Variants in FBXL7 observed in about 807,000 individuals in gnomAD.
FBXL7 encodes the protein F-box/LRR-repeat protein 7.
Under a neutral mutation model 38.3 loss-of-function variants are expected in FBXL7, and 12 were observed. That is an observed-to-expected ratio of 0.31 (90% CI 0.20 to 0.51). FBXL7 has a LOEUF of 0.51. FBXL7 is among the 20% of genes least tolerant of loss of function. The pLI is 0.98. For missense variants in FBXL7, 567 were observed against 676.4 expected (o/e 0.84, Z 1.79); for synonymous variants, 297 against 300.9 (o/e 0.99, Z 0.13).
chr5:15,601,143 T>G (rs1050239120), intron 1 of FBXL7, among the ~76,000 whole-genome samples: 3 of 152,314 alleles, frequency 2.0e-5, no homozygotes, highest in Admixed American at 2.0e-4. Flanking sequence ...AGGCTCTTGA[T>G]GCCAAGAAAT....
intron 3 of FBXL7, among the ~76,000 whole-genome samples, chr5:15,931,268 G>C (rs1332423775): frequency 6.6e-6 from 1 of 152,186 alleles, no homozygotes. Context: ...ATGAAATCTG[G>C]AATCAACTGA....
intron 2 of FBXL7, among the ~76,000 whole-genome samples, chr5:15,913,683 A>T (rs915560377): frequency 2.1e-4 from 32 of 152,338 alleles, no homozygotes; most frequent in African/African-American, 7.5e-4. Context: ...TGACAATTGA[A>T]TATAGAAAAT....
At chr5:15,866,739 C>G (rs961594890) in intron 2 of FBXL7, among the ~76,000 whole-genome samples, 4 of 150,352 alleles carry the variant, frequency 2.7e-5, no homozygotes, top group African/African-American at 9.8e-5. Flanking sequence ...TCAACTCCCA[C>G]TTATAAGTGA....
At chr5:15,556,094 TCTAC>T (rs1351792688) in intron 1 of FBXL7, among the ~76,000 whole-genome samples, 2 of 151,232 alleles carry the variant, frequency 1.3e-5, no homozygotes, top group East Asian at 2.0e-4. Flanking sequence ...CATCTATCTA[TCTAC>T]CTATCTATCT....
intron 1 of FBXL7, among the ~76,000 whole-genome samples, chr5:15,577,438 C>T (rs1739002684): frequency 6.6e-6 from 1 of 152,150 alleles, no homozygotes; most frequent in Non-Finnish European, 1.5e-5. Context: ...CAGAGAGTGA[C>T]CGCTTTCTAT....
chr5:15,776,595 G>A (rs1460986208), intron 2 of FBXL7, among the ~76,000 whole-genome samples: 1 of 152,084 alleles, frequency 6.6e-6, no homozygotes, highest in Non-Finnish European at 1.5e-5. Flanking sequence ...CATTCTAAAA[G>A]GATAATTGTG....
At position 15,637,238 on chromosome 5, in the gene FBXL7, C is replaced by T. The variant is rs140078384; in HGVS notation, c.127+21166C>T. On this transcript the variant is annotated intron_variant, in intron 2 of 3. Transcript: ENST00000504595. ...CTTTCCAATGGGCAGAAATTGGAGC[C>T]AGTGTGAAAGTTTCTCCTTTGAGCT... Among the ~76,000 whole-genome samples, 72 of 152,134 alleles carry T rather than the reference C, an allele frequency of 4.7e-4. 1 individual carries two copies. The highest frequency in any genetic ancestry group is 1.6e-3 in the African/African-American group (67 of 41,504).
intron 1 of FBXL7, among the ~76,000 whole-genome samples, chr5:15,509,154 A>C (rs909430093): frequency 2.6e-5 from 4 of 152,228 alleles, no homozygotes; most frequent in African/African-American, 9.6e-5. Context: ...CATCTTCCTC[A>C]GGGAGCGCTG....
At chr5:15,787,164 A>C (rs1487800744) in intron 2 of FBXL7, among the ~76,000 whole-genome samples, 1 of 152,172 alleles carries the variant, frequency 6.6e-6, no homozygotes, top group Non-Finnish European at 1.5e-5. Flanking sequence ...AAACTGTGAG[A>C]GAGTACATTT....
intron 2 of FBXL7, among the ~76,000 whole-genome samples, chr5:15,862,713 G>A (rs2126809890): frequency 6.6e-6 from 1 of 152,330 alleles, no homozygotes; most frequent in African/African-American, 2.4e-5. Flanking sequence ...TGCAGAACAG[G>A]AACATGCCAC....
intron 2 of FBXL7, among the ~76,000 whole-genome samples, chr5:15,698,122 A>AG (rs1743396578): frequency 6.6e-6 from 1 of 152,214 alleles, no homozygotes; most frequent in African/African-American, 2.4e-5. Context: ...AGCCAGGGGA[A>AG]GAGGGATAGA....
chr5:15,725,311 C>G (rs1357350183), intron 2 of FBXL7, among the ~76,000 whole-genome samples: 1 of 152,106 alleles, frequency 6.6e-6, no homozygotes, highest in African/African-American at 2.4e-5. Flanking sequence ...CACCATATCC[C>G]ATACATTTTG....
At chr5:15,828,509 G>A (rs1738373564) in intron 2 of FBXL7, among the ~76,000 whole-genome samples, 1 of 152,194 alleles carries the variant, frequency 6.6e-6, no homozygotes, top group Non-Finnish European at 1.5e-5. Context: ...TTAAAGGGTT[G>A]TTTTCATTAA....
chr5:15,526,539 C>A (rs1207438461), intron 1 of FBXL7, among the ~76,000 whole-genome samples: 1 of 152,164 alleles, frequency 6.6e-6, no homozygotes, highest in South Asian at 2.1e-4. Context: ...CAGTGAGTAT[C>A]TCATGTCAGA....
intron 2 of FBXL7, among the ~76,000 whole-genome samples, chr5:15,858,359 G>A (rs927640988): frequency 6.6e-6 from 1 of 151,942 alleles, no homozygotes; most frequent in African/African-American, 2.4e-5. Flanking sequence ...TTATTCTACA[G>A]TAAACCATTC....
At chr5:15,892,330 A>G (rs549891065) in intron 2 of FBXL7, among the ~76,000 whole-genome samples, 2 of 152,326 alleles carry the variant, frequency 1.3e-5, no homozygotes, top group East Asian at 3.9e-4. Flanking sequence ...GGAACCATGC[A>G]TGTTCTACAA....
At chr5:15,663,130 G>A (rs1418461839) in intron 2 of FBXL7, among the ~76,000 whole-genome samples, 1 of 152,168 alleles carries the variant, frequency 6.6e-6, no homozygotes, top group African/African-American at 2.4e-5. Context: ...TCCTATTCAT[G>A]AGCATGGGAT....
chr5:15,566,836 C>T (rs914437882), intron 1 of FBXL7, among the ~76,000 whole-genome samples: 3 of 152,104 alleles, frequency 2.0e-5, no homozygotes, highest in African/African-American at 7.2e-5. Context: ...ACTTGCCTTC[C>T]TGTTGGGGAC....
At chr5:15,807,894 A>G (rs1737758611) in intron 2 of FBXL7, among the ~76,000 whole-genome samples, 1 of 152,130 alleles carries the variant, frequency 6.6e-6, no homozygotes, top group African/African-American at 2.4e-5. Context: ...AAACATTACA[A>G]TACAATCCAC....
Sources: allele counts gnomAD v4.1 joint callset (sites outside exome capture counted in the v4.1 genomes callset), GRCh38; gene constraint gnomAD v4.1.1; transcripts MANE v1.5; gene names NCBI Gene and HGNC (gene_info 2026-07-23, HGNC 2026-07-21).